VRK1: variants seen among roughly 807,000 people sequenced by gnomAD.
The protein encoded by VRK1 is VRK serine/threonine kinase 1.
Under a neutral mutation model 57.1 loss-of-function variants are expected in VRK1, and 33 were observed. The ratio of observed to expected loss-of-function variants is 0.58; its 90% confidence interval spans 0.44 to 0.77. The LOEUF (loss-of-function observed/expected upper bound fraction) is 0.77. Ranked by LOEUF, VRK1 falls within the 30% of genes least tolerant of loss-of-function variation. VRK1 has a pLI of 0.00. For missense variants in VRK1, 413 were observed against 477.3 expected (o/e 0.87, Z 1.25); for synonymous variants, 137 against 147.8 (o/e 0.93, Z 0.53).
chr14:96,808,629 C>T (rs1281953386), intron 1 of VRK1, among the ~76,000 whole-genome samples: 1 of 150,274 alleles, frequency 6.7e-6, no homozygotes, highest in Non-Finnish European at 1.5e-5. Context: ...GTTTTGAACT[C>T]ATGTGTAAAT....
intron 3 of VRK1, 117 bp from the exon 4 acceptor site, chr14:96,845,978 A>C: frequency 1.1e-6 from 1 of 908,104 alleles, no homozygotes; most frequent in South Asian, 1.4e-5. Context: ...TTATAAACTT[A>C]AGTATCAAAA....
At chr14:96,805,899 C>G (rs974012126) in intron 1 of VRK1, among the ~76,000 whole-genome samples, 3 of 150,980 alleles carry the variant, frequency 2.0e-5, no homozygotes, top group African/African-American at 7.3e-5. Context: ...TTGTCTAGAT[C>G]TTTTTTTCCA....
intron 11 of VRK1, among the ~76,000 whole-genome samples, chr14:96,872,240 C>T (rs570995993): frequency 6.6e-6 from 1 of 152,288 alleles, no homozygotes; most frequent in South Asian, 2.1e-4. Flanking sequence ...TTTCTTAAAA[C>T]ATATATGTAA....
Position 96,853,181 on chromosome 14 carries a change from T to G in VRK1, c.576+15T>G. 6.2e-7 allele frequency: 1 copy of G among 1,603,734 alleles called. No homozygotes were observed. The highest frequency in any genetic ancestry group is 8.5e-7 in the Non-Finnish European group (1 of 1,171,184). ...ATCCTGACCAGGTAGTTTTATAACT[T>G]TAATTTCTACTATTTAAAGCGTGTT... On this transcript the variant is annotated intron_variant, in intron 7 of 12. Coordinates refer to ENST00000216639, the MANE Select transcript of VRK1 (RefSeq NM_003384.3).
chr14:96,864,826 C>T (rs1458590690), intron 11 of VRK1, among the ~76,000 whole-genome samples: 1 of 151,744 alleles, frequency 6.6e-6, no homozygotes, highest in East Asian at 1.9e-4. Flanking sequence ...AATTTAATCT[C>T]CTTGAAAAAT....
chr14:96,822,069 C>A (rs1219948417), intron 1 of VRK1, among the ~76,000 whole-genome samples: 4 of 137,640 alleles, frequency 2.9e-5, no homozygotes, highest in African/African-American at 1.0e-4. Flanking sequence ...CCCCCAACTC[C>A]CTGTCCCTGC....
chr14:96,846,184 T>TA lies in VRK1; in HGVS notation c.286+21dup. 1 of 1,611,404 alleles carries TA rather than the reference T, an allele frequency of 6.2e-7. No homozygotes were observed. Among genetic ancestry groups the TA allele is most frequent in the South Asian group, 1.1e-5 (1 of 91,008 alleles). ...AGCAAAGTAAGAAATACAGTACACA[T>TA]ACGTTTACACTTTTAAAATGACCAG... On this transcript the variant is annotated intron_variant, in intron 4 of 12. Transcript: ENST00000216639.
At chr14:96,872,862 T>C (rs1888878352) in intron 11 of VRK1, among the ~76,000 whole-genome samples, 2 of 152,216 alleles carry the variant, frequency 1.3e-5, no homozygotes, top group Non-Finnish European at 2.9e-5. Context: ...TTAGGGAATG[T>C]AATAATTTAA....
At chr14:96,802,910 G>A (rs1885719902) in intron 1 of VRK1, among the ~76,000 whole-genome samples, 1 of 152,294 alleles carries the variant, frequency 6.6e-6, no homozygotes, top group East Asian at 1.9e-4. Context: ...GTGACTGTAA[G>A]TTTTAATTGT....
At chr14:96,823,625 T>G (rs747415281) in intron 1 of VRK1, among the ~76,000 whole-genome samples, 1 of 152,210 alleles carries the variant, frequency 6.6e-6, no homozygotes, top group Non-Finnish European at 1.5e-5. Flanking sequence ...TTTTAAAAAA[T>G]TGTGATAAGA....
intron 3 of VRK1, among the ~76,000 whole-genome samples, chr14:96,842,541 A>G (rs1887506164): frequency 1.3e-5 from 2 of 152,224 alleles, no homozygotes; most frequent in Admixed American, 1.3e-4. Flanking sequence ...TTATGAAGAA[A>G]ATACATCAAA....
At chr14:96,880,658 A>G (rs1889224897) in intron 12 of VRK1, among the ~76,000 whole-genome samples, 1 of 152,252 alleles carries the variant, frequency 6.6e-6, no homozygotes, top group Non-Finnish European at 1.5e-5. Flanking sequence ...TGGGACCTGT[A>G]TAATTCCTAG....
At position 96,856,543 on chromosome 14, in the gene VRK1, T is replaced by C. The variant is rs759546376; in HGVS notation, c.846T>C (p.Ile282=). ...RDSKIRYREN[I]ASLMDKCFPE... Reference sequence around the variant, plus strand: ...TTTTTAACAGATACAGAGAAAATATTGCAAGTTTGATGGACAAATGTTTTC... The same window carrying C: ...TTTTTAACAGATACAGAGAAAATATCGCAAGTTTGATGGACAAATGTTTTC... The change falls in exon 10 of 13, where the codon ATT becomes ATC. Residue 282 remains isoleucine (I), a synonymous_variant. Coordinates refer to ENST00000216639, the MANE Select transcript of VRK1 (RefSeq NM_003384.3). 4.3e-6 allele frequency: 7 copies of C among 1,613,668 alleles called. No individual in the cohort carries two copies. The highest frequency in any genetic ancestry group is 1.1e-5 in the South Asian group (1 of 91,054).
In VRK1 at chr14:96,804,479, G is replaced by C. The variant is rs1177426081; in HGVS notation, c.-6+7032G>C. 2.0e-5 allele frequency among the ~76,000 whole-genome samples: 3 copies of C among 152,194 alleles called. No individual in the cohort carries two copies. In the East Asian group the frequency reaches 5.8e-4, roughly 29 times the overall value. On this transcript the variant is annotated intron_variant, in intron 1 of 12. Coordinates refer to ENST00000216639, the MANE Select transcript of VRK1 (RefSeq NM_003384.3). ...ATAACATGGGCAAAGATCTGTTCTAGAGAAAATAAGTAAGAACTGGCTATT... is the reference window on the plus strand; with the variant it reads ...ATAACATGGGCAAAGATCTGTTCTACAGAAAATAAGTAAGAACTGGCTATT...
intron 3 of VRK1, among the ~76,000 whole-genome samples, chr14:96,840,513 C>A (rs1423007602): frequency 6.6e-6 from 1 of 152,134 alleles, no homozygotes; most frequent in Non-Finnish European, 1.5e-5. Context: ...AATATTCAGC[C>A]TGTTGCTGAA....
chr14:96,870,157 T>C (rs937488854), intron 11 of VRK1, among the ~76,000 whole-genome samples: 25 of 152,332 alleles, frequency 1.6e-4, no homozygotes, highest in African/African-American at 5.8e-4. Context: ...TCAGGACCTT[T>C]AAATTATTTT....
chr14:96,859,586 T>G lies in VRK1; in HGVS notation c.890-971T>G, dbSNP rs138499254. ...TTTTTCTTGGTATATTCCAAGTATT[T>G]AGGAATAGTGCCTGGCACATAGGAG... On this transcript the variant is annotated intron_variant, in intron 10 of 12. Transcript: ENST00000216639. Among the ~76,000 whole-genome samples, 107 of 152,296 alleles carry G rather than the reference T, an allele frequency of 7.0e-4. No homozygotes were observed. The East Asian group carries it at 0.016, about 22-fold the overall frequency.
chr14:96,801,701 G>T (rs1452574580), intron 1 of VRK1, among the ~76,000 whole-genome samples: 1 of 152,108 alleles, frequency 6.6e-6, no homozygotes, highest in Non-Finnish European at 1.5e-5. Context: ...ACACATATTT[G>T]TATATGTACT....
At chr14:96,800,853 A>G (rs1484180890) in intron 1 of VRK1, among the ~76,000 whole-genome samples, 1 of 152,094 alleles carries the variant, frequency 6.6e-6, no homozygotes, top group Non-Finnish European at 1.5e-5. Flanking sequence ...AGATGAAGTA[A>G]ATAATTAAAT....
Sources: allele counts gnomAD v4.1 joint callset (sites outside exome capture counted in the v4.1 genomes callset), GRCh38; gene constraint gnomAD v4.1.1; transcripts MANE v1.5; gene names NCBI Gene and HGNC (gene_info 2026-07-23, HGNC 2026-07-21).